The following RHBDL2 variants were observed in gnomAD, a reference collection of about 807,000 sequenced individuals.
RHBDL2 encodes rhomboid like 2.
Under a neutral mutation model 31.7 loss-of-function variants are expected in RHBDL2, and 26 were observed. The ratio of observed to expected loss-of-function variants is 0.82; its 90% confidence interval spans 0.60 to 1.14. The LOEUF is 1.14. RHBDL2 is among the 50% of genes most tolerant of loss of function. The pLI is 0.00. For synonymous variants in RHBDL2, 123 were observed against 127.2 expected, an observed-to-expected ratio of 0.97 and a Z score of 0.22; for missense variants, 336 against 364.4, an observed-to-expected ratio of 0.92 and a Z score of 0.63.
intron 3 of RHBDL2, among the ~76,000 whole-genome samples, chr1:38,912,268 C>A (rs113351000): frequency 0.016 from 2,468 of 151,924 alleles, 54 homozygotes; most frequent in African/African-American, 0.05. Flanking sequence ...CCATGCCCGG[C>A]CTAATTTTTG....
intron 1 of RHBDL2, chr1:38,926,258 T>C (rs1039150500): frequency 1.2e-5 from 12 of 1,041,140 alleles, no homozygotes; most frequent in Non-Finnish European, 1.4e-5. Flanking sequence ...CCAGACGCCT[T>C]GCCACTGGGG....
intron 1 of RHBDL2, among the ~76,000 whole-genome samples, chr1:38,934,541 C>T (rs1439790586): frequency 6.7e-6 from 1 of 148,704 alleles, no homozygotes; most frequent in Non-Finnish European, 1.5e-5. Flanking sequence ...CCTGTAATCC[C>T]AGCTACTCGG....
At chr1:38,896,340 G>T (rs1429302876) in intron 4 of RHBDL2, among the ~76,000 whole-genome samples, 2 of 152,136 alleles carry the variant, frequency 1.3e-5, no homozygotes, top group African/African-American at 2.4e-5. Context: ...TGTGACTTGA[G>T]GAAGTTAGTT....
At chr1:38,935,375 G>A (rs368098669) in intron 1 of RHBDL2, among the ~76,000 whole-genome samples, 23 of 152,210 alleles carry the variant, frequency 1.5e-4, no homozygotes, top group African/African-American at 4.8e-4. Flanking sequence ...TAGCATAATG[G>A]CTAAAACACA....
intron 1 of RHBDL2, among the ~76,000 whole-genome samples, chr1:38,936,591 C>T (rs1643514913): frequency 6.6e-6 from 1 of 151,788 alleles, no homozygotes; most frequent in African/African-American, 2.4e-5. Context: ...CCTCCGCCTC[C>T]TAGGTTCAAG....
At chr1:38,903,585 C>A (rs552935466) in intron 4 of RHBDL2, among the ~76,000 whole-genome samples, 1 of 152,208 alleles carries the variant, frequency 6.6e-6, no homozygotes, top group South Asian at 2.1e-4. Flanking sequence ...GACCTAAATA[C>A]ACAGAAAGGT....
Position 38,915,135 on chromosome 1 carries a change from C to CT in RHBDL2, c.395+426dup, listed in dbSNP as rs879910855. ...TGTGACTTGGAACAAGTGACTACAT[C>CT]TTTTTTTTTTTTTTGAGATGGAGTC... On this transcript the variant is annotated intron_variant, in intron 3 of 7. Coordinates refer to ENST00000372990, the MANE Select transcript of RHBDL2 (RefSeq NM_017821.5). 2.8e-3 allele frequency among the ~76,000 whole-genome samples: 400 copies of CT among 142,446 alleles called. 2 individuals carry two copies. The highest frequency in any genetic ancestry group is 9.0e-3 in the South Asian group (40 of 4,434). 93.5% of individuals were successfully genotyped at this position (142,446 alleles called of 152,430 possible).
intron 7 of RHBDL2, 59 bp downstream of exon 7, chr1:38,887,904 A>G: frequency 7.9e-7 from 1 of 1,261,036 alleles, no homozygotes; most frequent in Non-Finnish European, 1.1e-6. Flanking sequence ...CCCCTATTTG[A>G]TAACCCTTTT....
chr1:38,938,461 C>G (rs1168660994), intron 1 of RHBDL2, among the ~76,000 whole-genome samples: 1 of 152,094 alleles, frequency 6.6e-6, no homozygotes, highest in African/African-American at 2.4e-5. Flanking sequence ...GCCCCAGCCA[C>G]ACTGAGCCCC....
At chr1:38,927,966 T>C (rs1387648440) in intron 1 of RHBDL2, among the ~76,000 whole-genome samples, 1 of 152,078 alleles carries the variant, frequency 6.6e-6, no homozygotes, top group Non-Finnish European at 1.5e-5. Flanking sequence ...AGCCCCCACA[T>C]GTTCCACAGC....
At chr1:38,932,656 T>C (rs9970983) in intron 1 of RHBDL2, among the ~76,000 whole-genome samples, 23,885 of 152,058 alleles carry the variant, frequency 0.16, 3,870 homozygotes, top group African/African-American at 0.41. Flanking sequence ...GATGGGGTTT[T>C]GCCATGTTGC....
At chr1:38,917,541 C>T (rs954547836) in intron 2 of RHBDL2, among the ~76,000 whole-genome samples, 1 of 152,098 alleles carries the variant, frequency 6.6e-6, no homozygotes, top group Non-Finnish European at 1.5e-5. Context: ...TTCACCTGGA[C>T]AAGACACACA....
At chr1:38,898,883 T>A (rs1344878048) in intron 4 of RHBDL2, among the ~76,000 whole-genome samples, 2 of 152,222 alleles carry the variant, frequency 1.3e-5, no homozygotes, top group African/African-American at 4.8e-5. Flanking sequence ...GCTAAGTAAC[T>A]TTCTGTACTG....
intron 6 of RHBDL2, among the ~76,000 whole-genome samples, 190 bp from the exon 7 acceptor site, chr1:38,888,214 T>C (rs1642810492): frequency 6.6e-6 from 1 of 152,214 alleles, no homozygotes; most frequent in African/African-American, 2.4e-5. Flanking sequence ...GAACTATCAT[T>C]ATCCCATTTT....
chr1:38,893,168 C>G lies in RHBDL2; in HGVS notation c.666G>C (p.Leu222=), dbSNP rs754957859. 14 of 1,554,586 alleles carry G rather than the reference C, an allele frequency of 9.0e-6. No homozygotes were observed. The South Asian group carries it at 1.6e-4, about 17-fold the overall frequency. ...FGIFRLLIII[L]IIVLDMGFAL... ...GTATTCACAAAACACACTTACTTAT[C>G]AGGATGATGATCAGCAGTCTGAAAA... The change falls in exon 6 of 8, where the codon CTG becomes CTC. Residue 222 remains leucine, a synonymous_variant. Coordinates refer to ENST00000372990, the MANE Select transcript of RHBDL2 (RefSeq NM_017821.5).
intron 1 of RHBDL2, 115 bp from the exon 2 acceptor site, chr1:38,919,452 A>C (rs1287298738): frequency 2.1e-6 from 2 of 970,834 alleles, no homozygotes; most frequent in Non-Finnish European, 1.4e-6. Context: ...ACTGAGATTA[A>C]AATGCAGCTC....
At chr1:38,919,818 C>T (rs2124339315) in intron 1 of RHBDL2, among the ~76,000 whole-genome samples, 2 of 152,254 alleles carry the variant, frequency 1.3e-5, no homozygotes, top group Admixed American at 1.3e-4. Context: ...AAGTGATTCA[C>T]CCGCCTAGGC....
chr1:38,937,094 C>T (rs922670397), intron 1 of RHBDL2, among the ~76,000 whole-genome samples: 4 of 151,950 alleles, frequency 2.6e-5, no homozygotes, highest in Admixed American at 2.0e-4. Flanking sequence ...ACTACAGGCA[C>T]CCGCCACCAC....
At chr1:38,919,381 A>C in intron 1 of RHBDL2, 44 bp from the exon 2 acceptor site, 1 of 1,497,446 alleles carries the variant, frequency 6.7e-7, no homozygotes, top group Admixed American at 2.4e-5. Flanking sequence ...AAAATGATCT[A>C]AACCTCCTAA....
Sources: gnomAD v4.1 joint callset for allele counts (sites outside exome capture counted in the v4.1 genomes callset) on GRCh38, gnomAD v4.1.1 for gene constraint, MANE v1.5 for transcripts, NCBI Gene and HGNC (gene_info 2026-07-23, HGNC 2026-07-21) for gene names.